Variants in GRID2 observed in about 807,000 individuals in gnomAD.
GRID2 encodes the protein glutamate ionotropic receptor delta type subunit 2.
GRID2 carries 33 observed loss-of-function variants against 114.8 expected under a neutral mutation model. That is an observed-to-expected ratio of 0.29 (90% CI 0.22 to 0.38). The LOEUF is 0.38. GRID2 is among the 10% of genes least tolerant of loss of function. The probability of loss-of-function intolerance (pLI) is 1.00; values close to 1 mark genes in which losing one functional copy is unlikely to be tolerated. For missense variants in GRID2, 1,184 were observed against 1,257.7 expected, an observed-to-expected ratio of 0.94 and a Z score of 0.89; for synonymous variants, 505 against 449.9, an observed-to-expected ratio of 1.12 and a Z score of -1.55.
intron 8 of GRID2, among the ~76,000 whole-genome samples, chr4:93,250,309 C>T (rs1748721053): frequency 6.6e-6 from 1 of 151,872 alleles, no homozygotes; most frequent in Admixed American, 6.6e-5. Context: ...AACACAAGGA[C>T]ACAGGGAGGG....
rs1721529256 is a variant in GRID2 at position 92,462,120 on chromosome 4, G to A, written c.89-128011G>A. 3.3e-5 allele frequency among the ~76,000 whole-genome samples: 5 copies of A among 151,958 alleles called. No homozygotes were observed. In the South Asian group the frequency reaches 1.0e-3, roughly 31 times the overall value. On this transcript the variant is annotated intron_variant, in intron 1 of 15. Transcript: ENST00000282020. ...ACTTCCTTTAGGGCACCTGGCCAGG[G>A]ATTTAAAAACCCAAAGCAAACATGT...
intron 2 of GRID2, among the ~76,000 whole-genome samples, chr4:93,068,401 G>A (rs1489186000): frequency 2.0e-5 from 3 of 152,012 alleles, no homozygotes; most frequent in Non-Finnish European, 4.4e-5. Context: ...GCTTTGAAAT[G>A]AAATTTTCAG....
intron 8 of GRID2, among the ~76,000 whole-genome samples, chr4:93,370,439 GCACACA>G (rs139682754): frequency 7.7e-6 from 1 of 129,914 alleles, no homozygotes; most frequent in South Asian, 2.6e-4. Context: ...GCACACACAG[GCACACA>G]CACACACGCA....
intron 2 of GRID2, among the ~76,000 whole-genome samples, chr4:92,595,883 A>G (rs964366699): frequency 6.6e-6 from 1 of 152,096 alleles, no homozygotes; most frequent in Admixed American, 6.6e-5. Flanking sequence ...GTCTAGTCCA[A>G]AGAAGATGTA....
At chr4:93,803,528 C>T (rs1361168600) in intron 1 of GRID2, among the ~76,000 whole-genome samples, 3 of 152,056 alleles carry the variant, frequency 2.0e-5, no homozygotes, top group African/African-American at 7.2e-5. Flanking sequence ...TCGAGACCAA[C>T]CTGGCCAACA....
downstream of GRID2, among the ~76,000 whole-genome samples, chr4:93,776,729 A>G (rs1734377236): frequency 1.3e-5 from 2 of 152,188 alleles, no homozygotes; most frequent in South Asian, 4.1e-4. Flanking sequence ...AGACTTGGAA[A>G]TTTACCAACA....
intron 1 of GRID2, among the ~76,000 whole-genome samples, chr4:92,336,285 C>A (rs2110153128): frequency 6.6e-6 from 1 of 152,240 alleles, no homozygotes; most frequent in East Asian, 1.9e-4. Flanking sequence ...CAGTGACAGG[C>A]AACAACATCT....
intron 2 of GRID2, among the ~76,000 whole-genome samples, chr4:92,678,546 T>C (rs1733496803): frequency 6.6e-6 from 1 of 151,934 alleles, no homozygotes; most frequent in African/African-American, 2.4e-5. Context: ...GGAAAGAAGA[T>C]TAGTGTGGGT....
chr4:92,679,411 A>G (rs1733536933), intron 2 of GRID2, among the ~76,000 whole-genome samples: 1 of 152,014 alleles, frequency 6.6e-6, no homozygotes, highest in Non-Finnish European at 1.5e-5. Flanking sequence ...ATACAGAACC[A>G]TTACCCTCTG....
intron 2 of GRID2, among the ~76,000 whole-genome samples, chr4:92,985,729 C>T (rs1211370449): frequency 2.0e-5 from 3 of 152,078 alleles, no homozygotes; most frequent in South Asian, 2.1e-4. Flanking sequence ...TACCCAAAGG[C>T]GAACTGTAAC....
intron 1 of GRID2, among the ~76,000 whole-genome samples, chr4:92,390,652 A>T (rs1229719117): frequency 6.6e-6 from 1 of 152,166 alleles, no homozygotes; most frequent in Non-Finnish European, 1.5e-5. Context: ...TATCGTTTTA[A>T]ATAAAAATTA....
intron 4 of GRID2, among the ~76,000 whole-genome samples, chr4:93,163,384 A>ATATATATATATG (rs1737913598): frequency 5.1e-5 from 2 of 39,430 alleles, no homozygotes; most frequent in African/African-American, 2.8e-4. Flanking sequence ...ATATATATAT[A>ATATATATATATG]TATATATATA....
At chr4:93,171,597 A>G (rs1651627316) in intron 4 of GRID2, among the ~76,000 whole-genome samples, 1 of 152,186 alleles carries the variant, frequency 6.6e-6, no homozygotes, top group Admixed American at 6.6e-5. Flanking sequence ...CTTCCAAATA[A>G]ATGTTTGTTA....
At chr4:93,663,061 T>C (rs776513095) in intron 14 of GRID2, among the ~76,000 whole-genome samples, 3 of 152,092 alleles carry the variant, frequency 2.0e-5, no homozygotes, top group Non-Finnish European at 2.9e-5. Context: ...CACAGATAAA[T>C]GGAACAAATG....
rs6148573 is a variant in GRID2 at position 93,078,757 on chromosome 4, AATTAT to A, written c.245-6229_245-6225del. Among the ~76,000 whole-genome samples, 183 of 57,448 alleles carry A rather than the reference AATTAT, an allele frequency of 3.2e-3. 1 individual carries two copies. In the East Asian group the frequency reaches 0.058, roughly 18 times the overall value. The allele number at this position is 57,448 out of a possible 152,430, so 37.7% of individuals were successfully genotyped here. A position where few individuals can be genotyped will look rare whatever the true frequency, so the allele number is the denominator to read the frequency against. On this transcript the variant is annotated intron_variant, in intron 2 of 15. Transcript: ENST00000282020. ...TTTATATACTGTATATACTAAATAT[AATTAT>A]ATTATATTTATATACTGTATATACT... is the stretch of plus-strand genomic sequence containing the variant.
intron 2 of GRID2, among the ~76,000 whole-genome samples, chr4:92,957,474 T>A (rs1752494312): frequency 6.6e-6 from 1 of 152,090 alleles, no homozygotes; most frequent in Non-Finnish European, 1.5e-5. Flanking sequence ...CTTATGTAGG[T>A]CTCTTTCTGG....
intron 1 of GRID2, among the ~76,000 whole-genome samples, chr4:92,540,489 A>T (rs925562495): frequency 2.0e-5 from 3 of 152,208 alleles, no homozygotes; most frequent in Non-Finnish European, 4.4e-5. Flanking sequence ...AAAGGATATG[A>T]ACAGACACTT....
intron 2 of GRID2, among the ~76,000 whole-genome samples, chr4:93,063,173 C>T (rs976398088): frequency 1.3e-5 from 2 of 151,812 alleles, no homozygotes; most frequent in African/African-American, 2.4e-5. Flanking sequence ...TGAAATTCAA[C>T]ATATGGGAAG....
At chr4:92,324,486 A>G (rs1726483076) in intron 1 of GRID2, among the ~76,000 whole-genome samples, 1 of 151,994 alleles carries the variant, frequency 6.6e-6, no homozygotes, top group Non-Finnish European at 1.5e-5. Context: ...TGCAAAGGCT[A>G]CATAAAATAT....
Sources: allele counts gnomAD v4.1 joint callset (sites outside exome capture counted in the v4.1 genomes callset), GRCh38; gene constraint gnomAD v4.1.1; transcripts MANE v1.5; gene names NCBI Gene and HGNC (gene_info 2026-07-23, HGNC 2026-07-21).